Variants in NFIL3 observed in about 807,000 individuals in gnomAD.
The protein encoded by NFIL3 is nuclear factor, interleukin 3 regulated, also known as nuclear factor interleukin-3-regulated protein.
A neutral mutation model predicts 10.0 loss-of-function variants in NFIL3; 5 were observed. The observed-to-expected ratio is 0.50, with a 90% CI of 0.26 to 1.06. The LOEUF (loss-of-function observed/expected upper bound fraction) is 1.06. NFIL3 is among the 50% of genes least tolerant of loss of function. The probability of loss-of-function intolerance (pLI) is 0.13; values close to 1 mark genes in which losing one functional copy is unlikely to be tolerated. For synonymous variants in NFIL3, 202 were observed against 206.5 expected (o/e 0.98, Z 0.19); for missense variants, 436 against 547.6 (o/e 0.80, Z 2.03).
chr9:91,409,418 GT>G lies in NFIL3; in HGVS notation c.1316del (p.Asn439ThrfsTer13), dbSNP rs1376851003. On this transcript the variant is annotated frameshift_variant, in exon 2 of 2. Transcript: ENST00000297689. LOFTEE classifies it high-confidence loss of function. ...TGAGTGAGACAACCTCTGCAGATAA[GT>G]TTGCTATCCCCTGCTTCAAATACAA... ...ENLYLKQGIA[N>X]LSAEVVSLKR... 8 of 1,613,422 alleles carry G rather than the reference GT, an allele frequency of 5.0e-6. No homozygotes were observed. Among genetic ancestry groups the G allele is most frequent in the African/African-American group, 1.3e-5 (1 of 74,858 alleles).
chr9:91,471,738 C>G, the NFIL3 span, among the ~76,000 whole-genome samples: 1 of 152,092 alleles, frequency 6.6e-6, no homozygotes, highest in African/African-American at 2.4e-5. Context: ...GAATTTGATC[C>G]TGTCATTACA....
At chr9:91,481,845 C>T in the NFIL3 span, among the ~76,000 whole-genome samples, 1 of 151,962 alleles carries the variant, frequency 6.6e-6, no homozygotes, top group African/African-American at 2.4e-5. Flanking sequence ...GCGAAATAGT[C>T]ATAAAATATT....
At chr9:91,473,326 G>A in the NFIL3 span, among the ~76,000 whole-genome samples, 1 of 152,232 alleles carries the variant, frequency 6.6e-6, no homozygotes, top group African/African-American at 2.4e-5. Context: ...AGTCTACAAA[G>A]GCAGGCAGTC....
the NFIL3 span, among the ~76,000 whole-genome samples, chr9:91,461,491 G>A: frequency 2.0e-5 from 3 of 152,160 alleles, no homozygotes; most frequent in Non-Finnish European, 4.4e-5. Context: ...CAACAGAAAT[G>A]TATTCACTCC....
At chr9:91,482,455 GAT>G in the NFIL3 span, among the ~76,000 whole-genome samples, 1 of 151,956 alleles carries the variant, frequency 6.6e-6, no homozygotes, top group Non-Finnish European at 1.5e-5. Context: ...TGATGATGAT[GAT>G]GATGATGGTG....
At chr9:91,469,177 CTATT>C in the NFIL3 span, among the ~76,000 whole-genome samples, 1 of 152,116 alleles carries the variant, frequency 6.6e-6, no homozygotes, top group Non-Finnish European at 1.5e-5. Context: ...ATGGAATGTT[CTATT>C]TGTTTGTGTC....
the NFIL3 span, among the ~76,000 whole-genome samples, chr9:91,430,789 G>A: frequency 6.6e-6 from 1 of 152,142 alleles, no homozygotes; most frequent in South Asian, 2.1e-4. Flanking sequence ...AGCACTACAG[G>A]TGCATGCCAA....
At chr9:91,445,917 A>C in the NFIL3 span, among the ~76,000 whole-genome samples, 4 of 152,154 alleles carry the variant, frequency 2.6e-5, no homozygotes, top group Admixed American at 6.5e-5. Flanking sequence ...TGGGCATGGT[A>C]CAGTGGCAGC....
chr9:91,418,777 A>C (rs192492439), intron 1 of NFIL3, among the ~76,000 whole-genome samples: 457 of 152,306 alleles, frequency 3.0e-3, no homozygotes, highest in Non-Finnish European at 5.3e-3. Context: ...GGCATCTAGC[A>C]AATCTCTAGT....
At chr9:91,425,351 C>A (rs1200382395), upstream of NFIL3, among the ~76,000 whole-genome samples, 1 of 152,174 alleles carries the variant, frequency 6.6e-6, no homozygotes, top group South Asian at 2.1e-4. Context: ...ATCATAATAA[C>A]GCAAGTCATA....
At chr9:91,445,882 A>G in the NFIL3 span, among the ~76,000 whole-genome samples, 1 of 152,058 alleles carries the variant, frequency 6.6e-6, no homozygotes, top group Non-Finnish European at 1.5e-5. Context: ...TAACAGCTTG[A>G]CTTAGAGATG....
the NFIL3 span, among the ~76,000 whole-genome samples, chr9:91,434,106 T>C: frequency 6.6e-6 from 1 of 152,154 alleles, no homozygotes; most frequent in Non-Finnish European, 1.5e-5. Flanking sequence ...AATGGATATT[T>C]TGAGAAACTT....
the NFIL3 span, among the ~76,000 whole-genome samples, chr9:91,476,315 G>A: frequency 2.0e-5 from 3 of 152,222 alleles, no homozygotes; most frequent in Admixed American, 2.0e-4. Context: ...GCTCATGCCT[G>A]TAATCCCAGC....
intron 1 of NFIL3, among the ~76,000 whole-genome samples, chr9:91,414,270 C>G (rs1833610960): frequency 6.6e-6 from 1 of 152,216 alleles, no homozygotes. Flanking sequence ...ATGGTACGAT[C>G]TTGGCTCACC....
chr9:91,434,560 T>C, the NFIL3 span, among the ~76,000 whole-genome samples: 1 of 152,224 alleles, frequency 6.6e-6, no homozygotes, highest in South Asian at 2.1e-4. Context: ...AAAGAAAAGA[T>C]AAATATATTT....
chr9:91,449,809 T>C, the NFIL3 span, among the ~76,000 whole-genome samples: 11 of 152,240 alleles, frequency 7.2e-5, no homozygotes, highest in Non-Finnish European at 1.5e-4. Flanking sequence ...TGGTAGAATT[T>C]ATCAGTAAAG....
chr9:91,455,297 G>C, the NFIL3 span, among the ~76,000 whole-genome samples: 4 of 152,226 alleles, frequency 2.6e-5, no homozygotes, highest in Admixed American at 2.0e-4. Flanking sequence ...TTTTGCTGTG[G>C]TGTTTGACTG....
In NFIL3 at chr9:91,409,321, T is replaced by C; in HGVS notation, c.*25A>G. The C allele has an allele frequency of 6.6e-7, 1 of 1,525,382 alleles. No individual in the cohort carries two copies. Among genetic ancestry groups the C allele is most frequent in the South Asian group, 1.3e-5 (1 of 76,050 alleles). 94.5% of individuals were successfully genotyped at this position (1,525,382 alleles called of 1,614,324 possible). ...CTATTGCAAATGACATCTTTCTAAA[T>C]GCCCAGCTCTTACTCAGTAGTAATT... On this transcript the variant is annotated 3_prime_UTR_variant, in exon 2 of 2. Transcript: ENST00000297689.
At chr9:91,436,951 G>T in the NFIL3 span, among the ~76,000 whole-genome samples, 8 of 152,320 alleles carry the variant, frequency 5.3e-5, no homozygotes, top group African/African-American at 1.9e-4. Flanking sequence ...GGTTTTGGGG[G>T]ATGGTTTCAG....
Sources: gnomAD v4.1 joint callset for allele counts (sites outside exome capture counted in the v4.1 genomes callset) on GRCh38, gnomAD v4.1.1 for gene constraint, MANE v1.5 for transcripts, NCBI Gene and HGNC (gene_info 2026-07-23, HGNC 2026-07-21) for gene names.